GFOD1: variants seen among roughly 807,000 people sequenced by gnomAD.
GFOD1 encodes the protein glucose-fructose oxidoreductase domain-containing protein 1.
Under a neutral mutation model 25.4 loss-of-function variants are expected in GFOD1, and 9 were observed. That is an observed-to-expected ratio of 0.35 (90% confidence interval 0.21 to 0.62). The LOEUF (loss-of-function observed/expected upper bound fraction) is 0.62. Among genes scored for constraint, GFOD1 ranks in the 20% least tolerant of loss-of-function variants. GFOD1 has a pLI of 0.72. For missense variants in GFOD1, 403 were observed against 556.9 expected, an observed-to-expected ratio of 0.72 and a Z score of 2.78; for synonymous variants, 253 against 245.6, an observed-to-expected ratio of 1.03 and a Z score of -0.28.
intron 1 of GFOD1, among the ~76,000 whole-genome samples, chr6:13,376,723 A>G (rs1299082630): frequency 1.3e-5 from 2 of 152,208 alleles, no homozygotes. Flanking sequence ...TTGAGAAATA[A>G]AGGAATCTAT....
chr6:13,486,238 ACCCCCCCATCCCC>A, intron 1 of GFOD1: 5 of 276,946 alleles, frequency 1.8e-5, no homozygotes, highest in Non-Finnish European at 1.7e-5. Flanking sequence ...ACCCTCCTCC[ACCCCCCCATCCCC>A]CCCCCCCACA....
intron 1 of GFOD1, among the ~76,000 whole-genome samples, chr6:13,461,605 C>A (rs757439815): frequency 6.6e-6 from 1 of 152,160 alleles, no homozygotes; most frequent in African/African-American, 2.4e-5. Context: ...ATTGCCCGGT[C>A]ACCTCTGTGG....
At chr6:13,447,880 A>G (rs1758032309) in intron 1 of GFOD1, among the ~76,000 whole-genome samples, 2 of 152,090 alleles carry the variant, frequency 1.3e-5, no homozygotes, top group Non-Finnish European at 2.9e-5. Flanking sequence ...TGAGGATGAA[A>G]GAGGCACAGA....
At chr6:13,460,653 C>T (rs1374748362) in intron 1 of GFOD1, among the ~76,000 whole-genome samples, 1 of 148,584 alleles carries the variant, frequency 6.7e-6, no homozygotes, top group Admixed American at 6.8e-5. Flanking sequence ...CAACACACAC[C>T]GGGGCCTGTT....
In GFOD1 at chr6:13,487,144, G is replaced by A; in HGVS notation, c.-254C>T. 1 of 456,828 alleles carries A rather than the reference G, an allele frequency of 2.2e-6. No individual in the cohort carries two copies. The highest frequency in any genetic ancestry group is 3.8e-6 in the Non-Finnish European group (1 of 261,800). 28.3% of individuals were successfully genotyped at this position (456,828 alleles called of 1,614,324 possible). A position where few individuals can be genotyped will look rare whatever the true frequency, so the allele number is the denominator to read the frequency against. The stretch of plus-strand genomic sequence containing the variant: ...GGCTCGCGTCCTTCCCGGAGTCGGC[G>A]GCAGGGACCCCCCCAGGGCGCCGGA... On this transcript the variant is annotated 5_prime_UTR_variant, in exon 1 of 2. Transcript: ENST00000379287. This position sits in a 1 kb window ranked among gnomAD's most constrained non-coding sequence, Gnocchi z 4.9.
chr6:13,457,611 G>A (rs914551915), intron 1 of GFOD1, among the ~76,000 whole-genome samples: 4 of 152,202 alleles, frequency 2.6e-5, no homozygotes, highest in Admixed American at 6.5e-5. Context: ...GAGCATGACT[G>A]ATTATTGATA....
At chr6:13,486,537 TA>T in intron 1 of GFOD1, 100 bp downstream of exon 1, 1 of 965,616 alleles carries the variant, frequency 1.0e-6, no homozygotes, top group Non-Finnish European at 1.5e-6. Context: ...AGATGCAGGG[TA>T]AGCTTCTGGG....
intron 1 of GFOD1, among the ~76,000 whole-genome samples, chr6:13,366,220 C>A (rs971769003): frequency 1.3e-5 from 2 of 152,038 alleles, no homozygotes; most frequent in African/African-American, 2.4e-5. Context: ...TCTCACTGTT[C>A]CCCAGGCTGC....
At chr6:13,419,114 G>T (rs1048834049) in intron 1 of GFOD1, among the ~76,000 whole-genome samples, 3 of 152,184 alleles carry the variant, frequency 2.0e-5, no homozygotes, top group Non-Finnish European at 4.4e-5. Flanking sequence ...TCTTGCTGAA[G>T]TCCAGGTTGC....
At chr6:13,381,898 AAC>A (rs1193294437) in intron 1 of GFOD1, among the ~76,000 whole-genome samples, 18 of 139,572 alleles carry the variant, frequency 1.3e-4, no homozygotes, top group African/African-American at 4.5e-4. Context: ...AGAGAAATAA[AAC>A]ACACACGCGC....
chr6:13,394,793 C>T (rs961007255), intron 1 of GFOD1, among the ~76,000 whole-genome samples: 12 of 152,092 alleles, frequency 7.9e-5, no homozygotes, highest in Non-Finnish European at 1.3e-4. Flanking sequence ...CCACCATGCC[C>T]GGCTAATTTT....
At chr6:13,468,138 A>G (rs1350721117) in intron 1 of GFOD1, among the ~76,000 whole-genome samples, 1 of 152,192 alleles carries the variant, frequency 6.6e-6, no homozygotes, top group Non-Finnish European at 1.5e-5. Flanking sequence ...CCATTATTTG[A>G]TAACAAGCAT....
chr6:13,420,714 G>T (rs1167305410), intron 1 of GFOD1, among the ~76,000 whole-genome samples: 1 of 152,216 alleles, frequency 6.6e-6, no homozygotes, highest in Non-Finnish European at 1.5e-5. Flanking sequence ...AAGACTTCTA[G>T]TTATCCAGCA....
intron 1 of GFOD1, among the ~76,000 whole-genome samples, chr6:13,376,675 A>T (rs2127557547): frequency 6.6e-6 from 1 of 152,314 alleles, no homozygotes; most frequent in East Asian, 1.9e-4. Context: ...CCACCCACCT[A>T]AGAGGATGGA....
intron 1 of GFOD1, among the ~76,000 whole-genome samples, chr6:13,449,137 T>C (rs574087389): frequency 1.3e-5 from 2 of 152,162 alleles, no homozygotes; most frequent in East Asian, 1.9e-4. Flanking sequence ...AAAAACATTT[T>C]TAAATTAGCC....
intron 1 of GFOD1, among the ~76,000 whole-genome samples, chr6:13,422,767 G>A (rs1388999629): frequency 6.6e-6 from 1 of 152,162 alleles, no homozygotes; most frequent in African/African-American, 2.4e-5. Flanking sequence ...TTTCCTGAAA[G>A]CTGCAGGGAA....
At chr6:13,432,626 G>C (rs1757769224) in intron 1 of GFOD1, among the ~76,000 whole-genome samples, 1 of 152,140 alleles carries the variant, frequency 6.6e-6, no homozygotes, top group Admixed American at 6.5e-5. Context: ...CTTCAGGAAA[G>C]GGCATCAAAA....
At chr6:13,424,507 C>T (rs1786317017) in intron 1 of GFOD1, among the ~76,000 whole-genome samples, 1 of 152,080 alleles carries the variant, frequency 6.6e-6, no homozygotes, top group Non-Finnish European at 1.5e-5. Context: ...TTAATACTTA[C>T]CCTAAATAAT....
At position 13,456,952 on chromosome 6, in the gene GFOD1, G is replaced by C. The variant is rs112064677; in HGVS notation, c.253+29686C>G. ...AGCTAAGCCACTTCACAACTCGGGG[G>C]CACCTGAGCAAAGAAGTCAGGGACA... On this transcript the variant is annotated intron_variant, in intron 1 of 1. Coordinates refer to ENST00000379287, the MANE Select transcript of GFOD1 (RefSeq NM_018988.4). Among the ~76,000 whole-genome samples, 45 of 152,304 alleles carry C rather than the reference G, an allele frequency of 3.0e-4. 1 individual carries two copies. Among genetic ancestry groups the C allele is most frequent in the African/African-American group, 9.1e-4 (38 of 41,574 alleles).
Sources: allele counts gnomAD v4.1 joint callset (sites outside exome capture counted in the v4.1 genomes callset), GRCh38; gene constraint gnomAD v4.1.1; non-coding constraint Gnocchi (gnomAD v3.1); transcripts MANE v1.5; gene names NCBI Gene and HGNC (gene_info 2026-07-23, HGNC 2026-07-21).